EHMT1: variants seen among roughly 807,000 people sequenced by gnomAD.
EHMT1 encodes the protein euchromatic histone lysine methyltransferase 1.
Under a neutral mutation model 147.2 loss-of-function variants are expected in EHMT1, and 15 were observed. The observed-to-expected ratio is 0.10, with a 90% CI of 0.07 to 0.16. The LOEUF (loss-of-function observed/expected upper bound fraction) is 0.16. Among genes scored for constraint, EHMT1 ranks in the 10% least tolerant of loss-of-function variants. The pLI, the probability that EHMT1 is intolerant of heterozygous loss-of-function variation, is 1.00. For missense variants in EHMT1, 1,587 were observed against 1,772.4 expected, an observed-to-expected ratio of 0.90 and a Z score of 1.88; for synonymous variants, 795 against 709.6, an observed-to-expected ratio of 1.12 and a Z score of -1.91.
intron 1 of EHMT1, among the ~76,000 whole-genome samples, chr9:137,653,551 A>G (rs531218301): frequency 1.3e-5 from 2 of 151,924 alleles, no homozygotes; most frequent in African/African-American, 4.8e-5. Flanking sequence ...CTTTTGAGAC[A>G]GAGTTTTGCT....
chr9:137,811,741 T>C, intron 19 of EHMT1, 126 bp downstream of exon 19: 2 of 1,281,722 alleles, frequency 1.6e-6, no homozygotes, highest in Non-Finnish European at 2.2e-6. Context: ...TTCCTTCGTG[T>C]GGAAGTCCAT....
intron 23 of EHMT1, chr9:137,816,435 C>A: frequency 2.9e-6 from 1 of 349,748 alleles, no homozygotes; most frequent in Non-Finnish European, 5.6e-6. Flanking sequence ...TCTAAATATT[C>A]TCTGTTCTCT....
chr9:137,826,030 C>G (rs904461121), intron 25 of EHMT1, among the ~76,000 whole-genome samples: 12 of 152,060 alleles, frequency 7.9e-5, no homozygotes, highest in Admixed American at 7.9e-4. Flanking sequence ...TGATTTTTCT[C>G]CTTGTTCTGT....
Position 137,753,592 on chromosome 9 carries a change from G to A in EHMT1, c.1249-579G>A, listed in dbSNP as rs1242257135. ...GCTGTGCCTACCTTAAATGTCCCCC[G>A]CCCACTGTGGCCTGCACGTGGCCTC... On this transcript the variant is annotated intron_variant, in intron 7 of 26. Coordinates refer to ENST00000460843, the MANE Select transcript of EHMT1 (RefSeq NM_024757.5). Among the ~76,000 whole-genome samples, 6 of 152,334 alleles carry A rather than the reference G, an allele frequency of 3.9e-5. No homozygotes were observed. The East Asian group carries it at 1.2e-3, about 29-fold the overall frequency.
chr9:137,772,465 G>C (rs73669163), intron 10 of EHMT1, among the ~76,000 whole-genome samples: 7,455 of 152,286 alleles, frequency 0.049, 599 homozygotes, highest in African/African-American at 0.17. Flanking sequence ...CCTCACCTGC[G>C]CCAGGTGGGG....
intron 1 of EHMT1, among the ~76,000 whole-genome samples, chr9:137,626,783 A>ATT (rs1310956717): frequency 1.5e-4 from 20 of 133,040 alleles, no homozygotes; most frequent in South Asian, 4.7e-4. Context: ...CTCTTGCAGA[A>ATT]TTTTTTTTTT....
At chr9:137,725,903 G>A (rs1946577026) in intron 3 of EHMT1, among the ~76,000 whole-genome samples, 1 of 152,044 alleles carries the variant, frequency 6.6e-6, no homozygotes, top group Admixed American at 6.6e-5. Flanking sequence ...GTGTGCTCTT[G>A]CCTGGAACTC....
intron 1 of EHMT1, among the ~76,000 whole-genome samples, chr9:137,701,788 T>C (rs1248574185): frequency 1.8e-4 from 15 of 81,996 alleles, no homozygotes; most frequent in Non-Finnish European, 3.1e-4. Flanking sequence ...CCACCATGCC[T>C]GGTTAAATTT....
At chr9:137,632,965 C>T (rs1843727323) in intron 1 of EHMT1, among the ~76,000 whole-genome samples, 1 of 152,158 alleles carries the variant, frequency 6.6e-6, no homozygotes, top group Non-Finnish European at 1.5e-5. Flanking sequence ...TCCTGGTCTT[C>T]CTGCTGCTGT....
At chr9:137,710,317 A>C (rs931321954) in intron 1 of EHMT1, among the ~76,000 whole-genome samples, 15 of 152,146 alleles carry the variant, frequency 9.9e-5, no homozygotes, top group Non-Finnish European at 2.1e-4. Flanking sequence ...TACTGAAAAC[A>C]CAAAAAGCAT....
intron 1 of EHMT1, among the ~76,000 whole-genome samples, chr9:137,689,315 G>C (rs547487344): frequency 6.6e-6 from 1 of 152,290 alleles, no homozygotes; most frequent in African/African-American, 2.4e-5. Flanking sequence ...CGTGTTCATA[G>C]ATAATTGAGC....
At chr9:137,753,224 C>A (rs1043317877) in intron 7 of EHMT1, among the ~76,000 whole-genome samples, 18 of 151,994 alleles carry the variant, frequency 1.2e-4, no homozygotes, top group Non-Finnish European at 2.2e-4. Flanking sequence ...AAGTGGCTCA[C>A]GGTGTGGGCT....
chr9:137,711,049 G>A lies in EHMT1; in HGVS notation c.85+19G>A, dbSNP rs757611012. 54 of 1,578,992 alleles carry A rather than the reference G, an allele frequency of 3.4e-5. No homozygotes were observed. The highest frequency in any genetic ancestry group is 4.7e-5 in the South Asian group (4 of 85,968). Reference sequence around the variant, plus strand: ...GGAGAAGGTGAGGGCGGTGTGCACCGAGGGACAGGAGCAGCGCCTCCCTCC... The same window carrying A: ...GGAGAAGGTGAGGGCGGTGTGCACCAAGGGACAGGAGCAGCGCCTCCCTCC... On this transcript the variant is annotated intron_variant, in intron 2 of 26. Coordinates refer to ENST00000460843, the MANE Select transcript of EHMT1 (RefSeq NM_024757.5).
intron 3 of EHMT1, among the ~76,000 whole-genome samples, chr9:137,719,504 T>G (rs974496063): frequency 6.6e-6 from 1 of 152,190 alleles, no homozygotes; most frequent in Admixed American, 6.5e-5. Context: ...CTGGGGCTTC[T>G]CCACTCCCAG....
chr9:137,797,488 C>T (rs1462417445), intron 16 of EHMT1, among the ~76,000 whole-genome samples: 3 of 152,180 alleles, frequency 2.0e-5, no homozygotes, highest in Non-Finnish European at 4.4e-5. Flanking sequence ...CCAGGTGCAC[C>T]TGCTTCTGTC....
At chr9:137,652,656 G>T (rs979371136) in intron 1 of EHMT1, among the ~76,000 whole-genome samples, 1 of 151,896 alleles carries the variant, frequency 6.6e-6, no homozygotes. Context: ...AGAGTGTTGG[G>T]ATTACAGGCG....
chr9:137,795,384 C>CACACACA (rs1952819522), intron 16 of EHMT1, among the ~76,000 whole-genome samples: 1 of 138,840 alleles, frequency 7.2e-6, no homozygotes, highest in Non-Finnish European at 1.6e-5. Flanking sequence ...GGCCAGGACA[C>CACACACA]CATCCTATCG....
At chr9:137,647,594 CTTT>C (rs1365222941) in intron 1 of EHMT1, among the ~76,000 whole-genome samples, 2 of 129,606 alleles carry the variant, frequency 1.5e-5, no homozygotes, top group Non-Finnish European at 3.3e-5. Context: ...CTGCTCTTGC[CTTT>C]TTTTTTTTTT....
chr9:137,728,913 G>A (rs949238922), intron 4 of EHMT1, among the ~76,000 whole-genome samples: 2 of 152,290 alleles, frequency 1.3e-5, no homozygotes, highest in African/African-American at 4.8e-5. Context: ...GAGGACCACC[G>A]CCCGCTCCAG....
Sources: gnomAD v4.1 joint callset for allele counts (sites outside exome capture counted in the v4.1 genomes callset) on GRCh38, gnomAD v4.1.1 for gene constraint, MANE v1.5 for transcripts, NCBI Gene and HGNC (gene_info 2026-07-23, HGNC 2026-07-21) for gene names.